UNC5D: variants seen among roughly 807,000 people sequenced by gnomAD.
UNC5D encodes the protein netrin receptor UNC5D.
UNC5D carries 39 observed loss-of-function variants against 105.4 expected under a neutral mutation model. The ratio of observed to expected loss-of-function variants is 0.37; its 90% CI spans 0.29 to 0.48. The LOEUF is 0.48. Among genes scored for constraint, UNC5D ranks in the 20% least tolerant of loss-of-function variants. UNC5D has a pLI of 0.98. For synonymous variants in UNC5D, 452 were observed against 450.4 expected, an observed-to-expected ratio of 1.00 and a Z score of -0.04; for missense variants, 991 against 1,202.4, an observed-to-expected ratio of 0.82 and a Z score of 2.60.
chr8:35,505,366 A>G (rs1437694265), intron 1 of UNC5D, among the ~76,000 whole-genome samples: 1 of 151,798 alleles, frequency 6.6e-6, no homozygotes, highest in Non-Finnish European at 1.5e-5. Context: ...GTACAATTGA[A>G]TGGCCACTCT....
chr8:35,529,840 G>T (rs1814203172), intron 1 of UNC5D, among the ~76,000 whole-genome samples: 1 of 145,556 alleles, frequency 6.9e-6, no homozygotes, highest in Non-Finnish European at 1.5e-5. Flanking sequence ...TCATGATTTG[G>T]CTGTTTGTCT....
At chr8:35,570,792 GA>G (rs543383222) in intron 3 of UNC5D, among the ~76,000 whole-genome samples, 1 of 146,210 alleles carries the variant, frequency 6.8e-6, no homozygotes, top group Non-Finnish European at 1.5e-5. Flanking sequence ...CATCTCTACT[GA>G]AAAAAAAAGA....
At chr8:35,439,881 G>C (rs1807280060) in intron 1 of UNC5D, among the ~76,000 whole-genome samples, 2 of 151,624 alleles carry the variant, frequency 1.3e-5, no homozygotes, top group African/African-American at 2.4e-5. Context: ...TGACTCCACT[G>C]TTAGTCAAAA....
At chr8:35,544,694 C>A (rs776692213) in intron 1 of UNC5D, among the ~76,000 whole-genome samples, 6 of 146,938 alleles carry the variant, frequency 4.1e-5, no homozygotes, top group Middle Eastern at 3.7e-3. Context: ...CCTCTGCCTT[C>A]CGGGTACAAG....
At chr8:35,509,042 G>A (rs934234329) in intron 1 of UNC5D, among the ~76,000 whole-genome samples, 1 of 152,210 alleles carries the variant, frequency 6.6e-6, no homozygotes, top group African/African-American at 2.4e-5. Context: ...GTTGATTTTG[G>A]AAACTTAATA....
At chr8:35,638,253 A>C (rs2131114491) in intron 4 of UNC5D, among the ~76,000 whole-genome samples, 1 of 152,266 alleles carries the variant, frequency 6.6e-6, no homozygotes, top group Admixed American at 6.5e-5. Flanking sequence ...CTATGCTTTC[A>C]GAAGGAAGGT....
At chr8:35,415,740 A>G (rs1805485829) in intron 1 of UNC5D, among the ~76,000 whole-genome samples, 1 of 152,154 alleles carries the variant, frequency 6.6e-6, no homozygotes, top group Non-Finnish European at 1.5e-5. Context: ...AACACTAAGT[A>G]TTTCCAAATA....
At chr8:35,387,350 G>C (rs143382877) in intron 1 of UNC5D, among the ~76,000 whole-genome samples, 3,216 of 118,968 alleles carry the variant, frequency 0.027, 150 homozygotes, top group African/African-American at 0.11. Context: ...GCGACACAGC[G>C]AGACTCCATC....
chr8:35,525,274 T>C (rs1322160436), intron 1 of UNC5D: 1 of 1,612,278 alleles, frequency 6.2e-7, no homozygotes, highest in Non-Finnish European at 8.5e-7. Context: ...TCAACTATTT[T>C]GCGTACATGG....
chr8:35,707,821 T>C (rs1398957293), intron 8 of UNC5D, among the ~76,000 whole-genome samples: 1 of 152,170 alleles, frequency 6.6e-6, no homozygotes, highest in Non-Finnish European at 1.5e-5. Context: ...TCAGAATTAG[T>C]TTTTGCTTGG....
intron 1 of UNC5D, among the ~76,000 whole-genome samples, chr8:35,316,212 G>C (rs904498168): frequency 1.3e-5 from 2 of 152,178 alleles, no homozygotes; most frequent in Non-Finnish European, 2.9e-5. Context: ...TGACAGTATT[G>C]ACTGGGTGTG....
intron 1 of UNC5D, among the ~76,000 whole-genome samples, chr8:35,256,959 G>GTT (rs71541893): frequency 9.8e-6 from 1 of 102,516 alleles, no homozygotes; most frequent in Non-Finnish European, 2.0e-5. Flanking sequence ...CTCTTTTTTT[G>GTT]TTTTTTTTTT....
intron 4 of UNC5D, among the ~76,000 whole-genome samples, chr8:35,614,467 C>A (rs1488709681): frequency 6.6e-6 from 1 of 152,010 alleles, no homozygotes; most frequent in Non-Finnish European, 1.5e-5. Flanking sequence ...GTCTAATAGT[C>A]CACATAAACT....
intron 15 of UNC5D, among the ~76,000 whole-genome samples, chr8:35,772,575 A>G (rs1802056415): frequency 6.6e-6 from 1 of 152,190 alleles, no homozygotes; most frequent in African/African-American, 2.4e-5. Flanking sequence ...AGGGCATAAC[A>G]GGCAAGTTTC....
chr8:35,722,182 C>A, intron 8 of UNC5D, 28 bp from the exon 9 acceptor site: 1 of 1,605,224 alleles, frequency 6.2e-7, no homozygotes, highest in Non-Finnish European at 8.5e-7. Context: ...CCATGCTGGT[C>A]ACTTACAATT....
intron 16 of UNC5D, among the ~76,000 whole-genome samples, chr8:35,781,708 T>C (rs558690854): frequency 6.6e-6 from 1 of 152,348 alleles, no homozygotes; most frequent in Admixed American, 6.5e-5. Flanking sequence ...TGTGAAGTTT[T>C]ATCGTCTTTT....
intron 1 of UNC5D, among the ~76,000 whole-genome samples, chr8:35,496,732 T>C (rs1811624099): frequency 6.6e-6 from 1 of 152,188 alleles, no homozygotes; most frequent in South Asian, 2.1e-4. Flanking sequence ...CAAAGTCTAA[T>C]TTTAAAACAT....
At chr8:35,386,337 G>GT (rs1434953948) in intron 1 of UNC5D, among the ~76,000 whole-genome samples, 1 of 152,080 alleles carries the variant, frequency 6.6e-6, no homozygotes, top group Non-Finnish European at 1.5e-5. Context: ...CTATAGACAT[G>GT]TACACACCCC....
At chr8:35,547,429 G>A (rs914728001) in intron 1 of UNC5D, among the ~76,000 whole-genome samples, 1 of 151,758 alleles carries the variant, frequency 6.6e-6, no homozygotes, top group Non-Finnish European at 1.5e-5. Flanking sequence ...CTCTCAAGTC[G>A]CTGAGATTAC....
Sources: gnomAD v4.1 joint callset for allele counts (sites outside exome capture counted in the v4.1 genomes callset) on GRCh38, gnomAD v4.1.1 for gene constraint, MANE v1.5 for transcripts, NCBI Gene and HGNC (gene_info 2026-07-23, HGNC 2026-07-21) for gene names.